CHODL: variants seen among roughly 807,000 people sequenced by gnomAD.
CHODL encodes the protein transmembrane protein MT75.
Under a neutral mutation model 34.5 loss-of-function variants are expected in CHODL, and 29 were observed. The ratio of observed to expected loss-of-function variants is 0.84; its 90% CI spans 0.63 to 1.15. The LOEUF is 1.15. Ranked by LOEUF, CHODL falls within the 50% of genes most tolerant of loss-of-function variation. The pLI is 0.00. For missense variants in CHODL, 332 were observed against 332.5 expected (o/e 1.00, Z 0.01); for synonymous variants, 125 against 116.1 (o/e 1.08, Z -0.49).
chr21:18,196,099 C>T (rs2073584862), intron 2 of CHODL, among the ~76,000 whole-genome samples: 1 of 152,140 alleles, frequency 6.6e-6, no homozygotes, highest in South Asian at 2.1e-4. Context: ...ATGTACATTT[C>T]ATAAATAAAT....
intron 2 of CHODL, among the ~76,000 whole-genome samples, chr21:18,101,097 T>C (rs1358159804): frequency 6.6e-6 from 1 of 152,132 alleles, no homozygotes; most frequent in Non-Finnish European, 1.5e-5. Context: ...TGGGAGATGA[T>C]TGAATAATGG....
intron 1 of CHODL, among the ~76,000 whole-genome samples, chr21:17,960,587 T>C (rs2063524882): frequency 6.6e-6 from 1 of 152,206 alleles, no homozygotes; most frequent in African/African-American, 2.4e-5. Flanking sequence ...TTTGGTCTCT[T>C]TGCTCACCAA....
intron 2 of CHODL, among the ~76,000 whole-genome samples, chr21:18,218,226 C>T (rs776177256): frequency 6.6e-6 from 1 of 152,256 alleles, no homozygotes; most frequent in Admixed American, 6.5e-5. Context: ...CATGAGGGTT[C>T]TGCCCTGCAG....
chr21:18,161,066 C>G (rs531674809), intron 2 of CHODL, among the ~76,000 whole-genome samples: 2 of 152,048 alleles, frequency 1.3e-5, no homozygotes, highest in Non-Finnish European at 2.9e-5. Context: ...TTTTGATTTA[C>G]GTTTCTTAAG....
chr21:17,985,809 CCTTATT>C (rs1306518395), intron 1 of CHODL, among the ~76,000 whole-genome samples: 1 of 152,120 alleles, frequency 6.6e-6, no homozygotes, highest in African/African-American at 2.4e-5. Flanking sequence ...TAACAAATGA[CCTTATT>C]CTGGGTAGCT....
chr21:18,238,380 G>A (rs2074049394), intron 2 of CHODL, among the ~76,000 whole-genome samples: 1 of 152,068 alleles, frequency 6.6e-6, no homozygotes, highest in Non-Finnish European at 1.5e-5. Flanking sequence ...GTGGTGGCAA[G>A]AGAAAATGAG....
chr21:17,940,755 A>C (rs1206137473), intron 1 of CHODL, among the ~76,000 whole-genome samples: 2 of 152,204 alleles, frequency 1.3e-5, no homozygotes, highest in South Asian at 2.1e-4. Context: ...TGTTGTGAGC[A>C]GGGTAGAAGC....
chr21:18,067,144 C>A (rs2064741998), intron 2 of CHODL, among the ~76,000 whole-genome samples: 1 of 152,274 alleles, frequency 6.6e-6, no homozygotes, highest in Non-Finnish European at 1.5e-5. Flanking sequence ...ATTTTCACAA[C>A]ACTTTTAAGC....
At chr21:18,048,916 C>T (rs188148502) in intron 2 of CHODL, among the ~76,000 whole-genome samples, 1 of 151,776 alleles carries the variant, frequency 6.6e-6, no homozygotes, top group African/African-American at 2.4e-5. Flanking sequence ...ATGTTCAGAA[C>T]TTCACATTTT....
intron 1 of CHODL, among the ~76,000 whole-genome samples, chr21:17,946,865 T>C (rs1286353007): frequency 6.6e-6 from 1 of 152,208 alleles, no homozygotes; most frequent in Non-Finnish European, 1.5e-5. Flanking sequence ...CCTTTCAATG[T>C]CTTTTAATTG....
At chr21:18,037,363 T>C (rs1361469993) in intron 2 of CHODL, among the ~76,000 whole-genome samples, 1 of 151,860 alleles carries the variant, frequency 6.6e-6, no homozygotes, top group Non-Finnish European at 1.5e-5. Flanking sequence ...GGAGGAACTC[T>C]CAAAAGTCTT....
At chr21:18,123,787 CG>C (rs1304877669) in intron 2 of CHODL, among the ~76,000 whole-genome samples, 1 of 152,024 alleles carries the variant, frequency 6.6e-6, no homozygotes, top group African/African-American at 2.4e-5. Flanking sequence ...TTGTGCGGGG[CG>C]GGTGGCATTC....
intron 1 of CHODL, among the ~76,000 whole-genome samples, chr21:18,003,128 A>C (rs1356041560): frequency 7.8e-6 from 1 of 128,468 alleles, no homozygotes; most frequent in Non-Finnish European, 1.8e-5. Context: ...TCTCAAAAAA[A>C]AAAAAAACAA....
intron 2 of CHODL, among the ~76,000 whole-genome samples, chr21:18,065,408 T>C (rs1389983153): frequency 6.6e-6 from 1 of 152,200 alleles, no homozygotes; most frequent in Admixed American, 6.6e-5. Flanking sequence ...ATAAAATACA[T>C]GCTCGTCTGT....
rs535696769 is a variant in CHODL, at chr21:18,218,690, T to C, written c.-44-37819T>C. ...CCAGGCTGCAAAAATTCCAAACTTT[T>C]GTGCTCTGTTTCCTCTTGAACACTT... is the stretch of plus-strand genomic sequence containing the variant. On this transcript the variant is annotated intron_variant, in intron 2 of 6. Coordinates refer to the CHODL transcript ENST00000400127. 1.4e-3 allele frequency among the ~76,000 whole-genome samples: 208 copies of C among 152,280 alleles called. 1 individual carries two copies. Among genetic ancestry groups the C allele is most frequent in the African/African-American group, 4.5e-3 (188 of 41,578 alleles).
chr21:17,966,999 C>T (rs1231954208), intron 1 of CHODL, among the ~76,000 whole-genome samples: 1 of 151,886 alleles, frequency 6.6e-6, no homozygotes, highest in Non-Finnish European at 1.5e-5. Context: ...ATTCTTCTGC[C>T]TCAGCCTCCC....
At chr21:18,095,347 TC>T (rs1204562772) in intron 2 of CHODL, among the ~76,000 whole-genome samples, 1 of 151,752 alleles carries the variant, frequency 6.6e-6, no homozygotes, top group Admixed American at 6.6e-5. Flanking sequence ...CCACAGAAAT[TC>T]AAAGAATCAT....
At chr21:18,242,756 A>G (rs1299550226), upstream of CHODL, among the ~76,000 whole-genome samples, 3 of 152,198 alleles carry the variant, frequency 2.0e-5, no homozygotes, top group African/African-American at 7.2e-5. Flanking sequence ...AAGATAAGAA[A>G]CTGTATGTTA....
At chr21:18,122,154 G>A (rs987545703) in intron 2 of CHODL, among the ~76,000 whole-genome samples, 2 of 151,924 alleles carry the variant, frequency 1.3e-5, no homozygotes, top group African/African-American at 4.8e-5. Flanking sequence ...GGTTCTAAAG[G>A]CCTAAGTGAT....
Sources: gnomAD v4.1 joint callset for allele counts (sites outside exome capture counted in the v4.1 genomes callset) on GRCh38, gnomAD v4.1.1 for gene constraint, MANE v1.5 for transcripts, NCBI Gene and HGNC (gene_info 2026-07-23, HGNC 2026-07-21) for gene names.